PYY: variants seen among roughly 807,000 people sequenced by gnomAD.
PYY encodes the protein peptide tyrosine tyrosine.
In PYY, 12 loss-of-function variants were observed where a neutral mutation model predicts 10.3. The observed-to-expected ratio is 1.17, with a 90% confidence interval of 0.75 to 1.89. The LOEUF is 1.89. Ranked by LOEUF, PYY falls within the 40% of genes most tolerant of loss-of-function variation. The probability of loss-of-function intolerance (pLI) is 0.00; values close to 1 mark genes in which losing one functional copy is unlikely to be tolerated. For synonymous variants in PYY, 66 were observed against 62.0 expected, an observed-to-expected ratio of 1.06 and a Z score of -0.30; for missense variants, 141 against 134.0, an observed-to-expected ratio of 1.05 and a Z score of -0.26.
At chr17:43,977,571 T>C (rs1567932866) in intron 1 of PYY, among the ~76,000 whole-genome samples, 1 of 152,028 alleles carries the variant, frequency 6.6e-6, no homozygotes, top group Non-Finnish European at 1.5e-5. Context: ...CCCCCGACTC[T>C]CCCTGCTCCA....
At chr17:43,983,991 A>T (rs1235318066) in intron 1 of PYY, among the ~76,000 whole-genome samples, 1 of 152,168 alleles carries the variant, frequency 6.6e-6, no homozygotes, top group African/African-American at 2.4e-5. Context: ...TCCCGCAAAC[A>T]CCGCGCCCGG....
Position 43,966,710 on chromosome 17 carries a change from A to T in PYY, c.-462-178T>A, listed in dbSNP as rs141007828. Among the ~76,000 whole-genome samples, 3 of 152,222 alleles carry T rather than the reference A, an allele frequency of 2.0e-5. 1 individual carries two copies. The East Asian group carries it at 5.8e-4, about 29-fold the overall frequency. ...CACTTTCTAGCATTCTATGTAATTG[A>T]CTTATTTGTATGCTTGTTGTCTGAC... On this transcript the variant is annotated intron_variant, in intron 1 of 6. Coordinates refer to the PYY transcript ENST00000360085.
At chr17:43,964,227 C>T (rs1228639828) in intron 2 of PYY, among the ~76,000 whole-genome samples, 2 of 152,140 alleles carry the variant, frequency 1.3e-5, no homozygotes. Context: ...CAATATGTTG[C>T]CCAGGCTGGT....
intron 3 of PYY, 26 bp from the exon 4 acceptor site, chr17:43,953,006 G>A: frequency 5.7e-6 from 9 of 1,578,388 alleles, no homozygotes; most frequent in Non-Finnish European, 7.8e-6. Context: ...GGAAGGAATT[G>A]GATCTGGGGA....
chr17:43,968,981 G>A (rs755679103), intron 1 of PYY, among the ~76,000 whole-genome samples: 25 of 149,874 alleles, frequency 1.7e-4, no homozygotes, highest in Non-Finnish European at 2.8e-4. Flanking sequence ...GGGGGCATGC[G>A]CCTGTAGTCC....
At position 43,987,846 on chromosome 17, in the gene PYY, G is replaced by A; in HGVS notation, c.-463+16545C>T. ...ACAGAGAACTAAAATTAGCAATAGG[G>A]AGGGAGGAAGGGGGCAAGGATGGAG... On this transcript the variant is annotated intron_variant, in intron 1 of 6. Transcript: ENST00000360085. The surrounding 1 kb of genome is among the most constrained non-coding windows in gnomAD (Gnocchi z 4.0). Among the ~76,000 whole-genome samples, 1 of 152,206 alleles carries A rather than the reference G, an allele frequency of 6.6e-6. No homozygotes were observed. Among genetic ancestry groups the A allele is most frequent in the Non-Finnish European group, 1.5e-5 (1 of 68,030 alleles).
At chr17:43,956,419 C>CCG (rs1263000628), upstream of PYY, among the ~76,000 whole-genome samples, 1 of 114,762 alleles carries the variant, frequency 8.7e-6, no homozygotes, top group Non-Finnish European at 1.8e-5. Context: ...GGCTCAGCCA[C>CCG]CCCCCGATCC....
intron 1 of PYY, among the ~76,000 whole-genome samples, chr17:43,998,043 AT>A (rs1343926813): frequency 6.6e-6 from 1 of 152,076 alleles, no homozygotes; most frequent in African/African-American, 2.4e-5. Flanking sequence ...GGTTCAAGTC[AT>A]TCTCCTGCCT....
At chr17:43,962,963 A>G (rs1365091231) in intron 2 of PYY, among the ~76,000 whole-genome samples, 4 of 152,172 alleles carry the variant, frequency 2.6e-5, no homozygotes, top group African/African-American at 7.2e-5. Flanking sequence ...AAAATTAAGC[A>G]GCACAGAGAC....
At chr17:43,962,329 T>A (rs958799002) in intron 2 of PYY, among the ~76,000 whole-genome samples, 5 of 152,182 alleles carry the variant, frequency 3.3e-5, no homozygotes, top group Non-Finnish European at 7.3e-5. Flanking sequence ...TTTATTGAGG[T>A]ATCATTAACC....
intron 1 of PYY, among the ~76,000 whole-genome samples, chr17:43,985,446 C>T (rs1026701181): frequency 6.6e-6 from 1 of 152,178 alleles, no homozygotes; most frequent in Non-Finnish European, 1.5e-5. Context: ...CTCTTGTCCT[C>T]AAGAGATCCT....
At chr17:43,985,140 G>A (rs2048907767) in intron 1 of PYY, among the ~76,000 whole-genome samples, 1 of 152,210 alleles carries the variant, frequency 6.6e-6, no homozygotes, top group Non-Finnish European at 1.5e-5. Flanking sequence ...ACTAAGATCT[G>A]GAATACATGA....
chr17:43,994,696 A>G (rs1330174032), intron 1 of PYY, among the ~76,000 whole-genome samples: 1 of 151,926 alleles, frequency 6.6e-6, no homozygotes, highest in African/African-American at 2.4e-5. Flanking sequence ...CTTCGTCCCA[A>G]ATAAAACCTC....
intron 2 of PYY, chr17:43,966,257 GAC>G (rs1300876046): frequency 6.5e-6 from 1 of 153,184 alleles, no homozygotes. Flanking sequence ...ATATGAAACT[GAC>G]ACAGAGAGAG....
chr17:43,988,904 A>G (rs977865825), intron 1 of PYY, among the ~76,000 whole-genome samples: 2 of 151,650 alleles, frequency 1.3e-5, no homozygotes, highest in East Asian at 3.9e-4. Context: ...CTGGGATTAC[A>G]GGCATGCACC....
At chr17:43,997,368 C>T (rs2048998370) in intron 1 of PYY, among the ~76,000 whole-genome samples, 1 of 152,068 alleles carries the variant, frequency 6.6e-6, no homozygotes, top group Middle Eastern at 3.2e-3. Context: ...AGGGTGGTAA[C>T]ACTTGAGCAA....
chr17:43,999,461 A>T (rs1477224537), intron 1 of PYY, among the ~76,000 whole-genome samples: 1 of 151,934 alleles, frequency 6.6e-6, no homozygotes, highest in East Asian at 1.9e-4. Flanking sequence ...GTTTTGTTAG[A>T]GGCCGGGCAC....
upstream of PYY, among the ~76,000 whole-genome samples, chr17:43,954,846 T>C (rs2048661533): frequency 6.6e-6 from 1 of 152,236 alleles, no homozygotes; most frequent in Admixed American, 6.5e-5. Flanking sequence ...AAAGGACTCG[T>C]GTTTATTAAG....
intron 1 of PYY, among the ~76,000 whole-genome samples, chr17:43,971,695 A>G (rs545867260): frequency 6.8e-6 from 1 of 147,374 alleles, no homozygotes; most frequent in East Asian, 2.0e-4. Flanking sequence ...TTTTTTTTTA[A>G]GTGGGTTGTT....
Sources: gnomAD v4.1 joint callset for allele counts (sites outside exome capture counted in the v4.1 genomes callset) on GRCh38, gnomAD v4.1.1 for gene constraint, Gnocchi (gnomAD v3.1) non-coding constraint, MANE v1.5 for transcripts, NCBI Gene and HGNC (gene_info 2026-07-23, HGNC 2026-07-21) for gene names.